Variants in PTK7 observed in about 807,000 individuals in gnomAD.
The protein encoded by PTK7 is inactive tyrosine-protein kinase 7.
Under a neutral mutation model 116.6 loss-of-function variants are expected in PTK7, and 39 were observed. The ratio of observed to expected loss-of-function variants is 0.33; its 90% CI spans 0.26 to 0.44. PTK7 has a LOEUF of 0.44. PTK7 is among the 20% of genes least tolerant of loss of function. The pLI is 1.00. For missense variants in PTK7, 1,169 were observed against 1,425.6 expected, an observed-to-expected ratio of 0.82 and a Z score of 2.90; for synonymous variants, 546 against 563.6, an observed-to-expected ratio of 0.97 and a Z score of 0.44.
chr6:43,133,107 G>A (rs1769809354), intron 7 of PTK7: 1 of 373,248 alleles, frequency 2.7e-6, no homozygotes, highest in Non-Finnish European at 4.7e-6. Context: ...TGAAGTAGAT[G>A]AAAATGATTT....
Position 43,161,055 on chromosome 6 carries a change from C to T in PTK7, c.*174C>T, listed in dbSNP as rs762929708. The stretch of plus-strand genomic sequence containing the variant: ...CTTTCCTCCTCTTCCTCACCCTCAT[C>T]CTTTGGGAGGCTGACTTGGACCCAA... On this transcript the variant is annotated 3_prime_UTR_variant, in exon 20 of 20. Transcript: ENST00000230419. The T allele has an allele frequency of 1.0e-6, 1 of 976,144 alleles. No individual in the cohort carries two copies. The highest frequency in any genetic ancestry group is 1.5e-6 in the Non-Finnish European group (1 of 688,078). The allele number at this position is 976,144 out of a possible 1,614,324, so 60.5% of individuals were successfully genotyped here. A position where few individuals can be genotyped will look rare whatever the true frequency, so the allele number is the denominator to read the frequency against.
chr6:43,100,075 A>C (rs561290837), intron 1 of PTK7, among the ~76,000 whole-genome samples: 151 of 152,188 alleles, frequency 9.9e-4, no homozygotes, highest in Non-Finnish European at 1.5e-3. Flanking sequence ...ACCTGGCCTG[A>C]GACCCTGTCT....
chr6:43,099,954 T>C (rs951687234), intron 1 of PTK7, among the ~76,000 whole-genome samples: 1 of 152,070 alleles, frequency 6.6e-6, no homozygotes, highest in African/African-American at 2.4e-5. Flanking sequence ...ATGGCACGAT[T>C]CTCCTGCCTC....
chr6:43,127,829 T>G (rs1372338438), intron 1 of PTK7, among the ~76,000 whole-genome samples: 2 of 151,854 alleles, frequency 1.3e-5, no homozygotes, highest in Non-Finnish European at 2.9e-5. Context: ...CTCGGGAGGC[T>G]GAGGCAGGAG....
At chr6:43,077,756 G>A (rs1463194402) in intron 1 of PTK7, among the ~76,000 whole-genome samples, 1 of 152,220 alleles carries the variant, frequency 6.6e-6, no homozygotes, top group Admixed American at 6.5e-5. Context: ...GTAAGGAATT[G>A]CCTTTCTAAT....
intron 17 of PTK7, among the ~76,000 whole-genome samples, chr6:43,148,266 G>T (rs529159777): frequency 2.6e-5 from 4 of 151,852 alleles, no homozygotes; most frequent in Non-Finnish European, 5.9e-5. Flanking sequence ...GGGAGGGGAG[G>T]GGGGGAAAGG....
intron 5 of PTK7, among the ~76,000 whole-genome samples, chr6:43,131,204 T>C (rs759855374): frequency 6.6e-6 from 1 of 152,032 alleles, no homozygotes; most frequent in Admixed American, 6.6e-5. Context: ...TCCTTGGGGG[T>C]GTGGCTTCCT....
At chr6:43,149,282 G>C (rs1048192490) in intron 17 of PTK7, among the ~76,000 whole-genome samples, 1 of 152,130 alleles carries the variant, frequency 6.6e-6, no homozygotes, top group Admixed American at 6.5e-5. Context: ...TGAGGCAGGA[G>C]AATCGCTTGA....
chr6:43,129,407 C>T lies in PTK7; in HGVS notation c.367+143C>T, dbSNP rs946240688. ...GCATTTATCATCAGCTTTTTTTGCT[C>T]ATGTGGATAAGAGGAAATTAAAAGT... On this transcript the variant is annotated intron_variant, in intron 2 of 19. Coordinates refer to ENST00000230419, the MANE Select transcript of PTK7 (RefSeq NM_002821.5). This position sits in a 1 kb window ranked among gnomAD's most constrained non-coding sequence, Gnocchi z 4.5. 1.2e-5 allele frequency: 14 copies of T among 1,136,840 alleles called. No homozygotes were observed. In the African/African-American group the frequency reaches 2.1e-4, roughly 17 times the overall value. The allele number at this position is 1,136,840 out of a possible 1,614,324, so 70.4% of individuals were successfully genotyped here.
chr6:43,082,150 A>G lies in PTK7; in HGVS notation c.79+5583A>G, dbSNP rs551378985. 2.6e-5 allele frequency among the ~76,000 whole-genome samples: 4 copies of G among 152,252 alleles called. No homozygotes were observed. In the East Asian group the frequency reaches 7.7e-4, roughly 29 times the overall value. ...ACGTGGCATCAGCATTCCTGGGAGC[A>G]TGAATCAGAATCGCAATCTGCAATT... On this transcript the variant is annotated intron_variant, in intron 1 of 19. Transcript: ENST00000230419.
chr6:43,116,592 G>T (rs1222982786), intron 1 of PTK7, among the ~76,000 whole-genome samples: 1 of 149,876 alleles, frequency 6.7e-6, no homozygotes, highest in East Asian at 2.0e-4. Context: ...AAGAAGGCCA[G>T]GAAAAGCTGG....
intron 17 of PTK7, among the ~76,000 whole-genome samples, chr6:43,149,188 G>A (rs557370991): frequency 1.3e-5 from 2 of 151,398 alleles, no homozygotes; most frequent in Admixed American, 6.6e-5. Flanking sequence ...CCTGGCCAAC[G>A]TGGGGAAACC....
chr6:43,125,962 A>G (rs1346421173), intron 1 of PTK7, among the ~76,000 whole-genome samples: 4 of 147,696 alleles, frequency 2.7e-5, no homozygotes, highest in Non-Finnish European at 6.2e-5. Context: ...GCTTGTCCAC[A>G]CTTCGAAGGC....
At position 43,076,871 on chromosome 6, in the gene PTK7, C is replaced by CT. The variant is rs772792483; in HGVS notation, c.79+305dup. The stretch of plus-strand genomic sequence containing the variant: ...CTCGAGAACTGCCGAGAGTTGCTGG[C>CT]TCTCGGGCCCAGATGGGGAGTTTCT... On this transcript the variant is annotated intron_variant, in intron 1 of 19. Transcript: ENST00000230419. The surrounding 1 kb of genome is among the most constrained non-coding windows in gnomAD (Gnocchi z 5.7). The CT allele has an allele frequency of 6.7e-7, 1 of 1,482,682 alleles. No homozygotes were observed. The highest frequency in any genetic ancestry group is 1.2e-5 in the South Asian group (1 of 80,166). 91.8% of individuals were successfully genotyped at this position (1,482,682 alleles called of 1,614,324 possible). A position where few individuals can be genotyped will look rare whatever the true frequency, so the allele number is the denominator to read the frequency against.
chr6:43,158,588 C>T (rs190006147), intron 17 of PTK7, among the ~76,000 whole-genome samples: 3 of 152,330 alleles, frequency 2.0e-5, no homozygotes, highest in African/African-American at 7.2e-5. Flanking sequence ...TGCTGTGTGT[C>T]AGCATGGTGT....
Position 43,143,490 on chromosome 6 carries a change from G to A in PTK7, c.2121G>A (p.Leu707=). The change falls in exon 14 of 20, where the codon TTG becomes TTA. Residue 707 remains leucine (L), a synonymous_variant. Coordinates refer to ENST00000230419, the MANE Select transcript of PTK7 (RefSeq NM_002821.5). This position sits in a 1 kb window ranked among gnomAD's most constrained non-coding sequence, Gnocchi z 4.2. The stretch of plus-strand genomic sequence containing the variant: ...ACAAGATGATCCAGACCATTGGGTT[G>A]TCGGTGGGTGCCGCTGTGGCCTACA... ...PPYKMIQTIG[L]SVGAAVAYII... 2 of 1,613,942 alleles carry A rather than the reference G, an allele frequency of 1.2e-6. No homozygotes were observed. Among genetic ancestry groups the A allele is most frequent in the Non-Finnish European group, 8.5e-7 (1 of 1,179,994 alleles).
chr6:43,160,831 A>G lies in PTK7; in HGVS notation c.3163A>G (p.Ser1055Gly). 6.2e-7 allele frequency: 1 copy of G among 1,614,134 alleles called. No individual in the cohort carries two copies. The highest frequency in any genetic ancestry group is 1.7e-4 in the Middle Eastern group (1 of 6,052). The change falls in exon 20 of 20, where the codon AGT (serine) becomes GGT (glycine). Residue 1055 changes from serine to glycine, a missense_variant. Physicochemically the swap from Ser to Gly is moderately conservative, Grantham distance 56. Around this residue, in one of 3 missense-constraint regions of PTK7, gnomAD observed 678 missense variants for 853.8 expected, o/e 0.79. Transcript: ENST00000230419. The part of the protein sequence containing the change: ...ALSPKDRPSF[S>G]EIASALGDST... ...CAGCCCCAAGGACCGGCCCTCCTTC[A>G]GTGAGATTGCCAGCGCCCTGGGAGA...
intron 1 of PTK7, among the ~76,000 whole-genome samples, chr6:43,099,836 G>T (rs190721986): frequency 6.6e-6 from 1 of 152,060 alleles, no homozygotes; most frequent in Non-Finnish European, 1.5e-5. Context: ...TTTGGAGGCC[G>T]AGGCAGGCAG....
chr6:43,150,004 G>A (rs765856833), intron 17 of PTK7, among the ~76,000 whole-genome samples: 1 of 152,212 alleles, frequency 6.6e-6, no homozygotes, highest in Non-Finnish European at 1.5e-5. Context: ...GTGAGTTAGT[G>A]ACAGAAATCA....
Sources: allele counts gnomAD v4.1 joint callset (sites outside exome capture counted in the v4.1 genomes callset), GRCh38; gene constraint gnomAD v4.1.1; regional missense constraint gnomAD v4.1.1; non-coding constraint Gnocchi (gnomAD v3.1); transcripts MANE v1.5; gene names NCBI Gene and HGNC (gene_info 2026-07-23, HGNC 2026-07-21).